ASAH1: variants seen among roughly 807,000 people sequenced by gnomAD.
ASAH1 encodes N-acylsphingosine amidohydrolase 1.
In ASAH1, 70 loss-of-function variants were observed where a neutral mutation model predicts 59.5. The observed-to-expected ratio is 1.18, with a 90% confidence interval of 0.97 to 1.43. ASAH1 has a LOEUF of 1.43. ASAH1 is among the 40% of genes most tolerant of loss of function. The pLI is 0.00. For missense variants in ASAH1, 660 were observed against 482.5 expected, an observed-to-expected ratio of 1.37 and a Z score of -3.45; for synonymous variants, 213 against 166.5, an observed-to-expected ratio of 1.28 and a Z score of -2.15.
In ASAH1 at chr8:18,064,437, C is replaced by CTGGG; in HGVS notation, c.457+19_457+20insCCCA. 1 of 1,470,600 alleles carries CTGGG rather than the reference C, an allele frequency of 6.8e-7. No individual in the cohort carries two copies. Among genetic ancestry groups the CTGGG allele is most frequent in the Non-Finnish European group, 9.5e-7 (1 of 1,052,316 alleles). The allele number at this position is 1,470,600 out of a possible 1,614,324, so 91.1% of individuals were successfully genotyped here. On this transcript the variant is annotated intron_variant, in intron 6 of 13. Coordinates refer to ENST00000637790, the MANE Select transcript of ASAH1 (RefSeq NM_177924.5). Reference sequence around the variant, plus strand: ...TATGTAGTGCTTCATGCTGCCCACCCTCCCTCAGCGCACAATTACCTTTTT... The same window carrying CTGGG: ...TATGTAGTGCTTCATGCTGCCCACCCTGGGTCCCTCAGCGCACAATTACCTTTTT...
intron 5 of ASAH1, 22 bp downstream of exon 5, chr8:18,067,197 TA>T: frequency 2.5e-6 from 4 of 1,577,546 alleles, no homozygotes; most frequent in Non-Finnish European, 2.6e-6. Flanking sequence ...CTTTTTTTTT[TA>T]AAGCTTCTAA....
chr8:18,078,289 A>G (rs1800496533), intron 1 of ASAH1, among the ~76,000 whole-genome samples: 1 of 152,214 alleles, frequency 6.6e-6, no homozygotes, highest in Admixed American at 6.5e-5. Context: ...TCTGTCTAGT[A>G]TTAGGAGAGA....
intron 1 of ASAH1, among the ~76,000 whole-genome samples, chr8:18,082,822 G>C (rs1326014825): frequency 6.6e-6 from 1 of 152,084 alleles, no homozygotes; most frequent in African/African-American, 2.4e-5. Context: ...GGCCCTGACA[G>C]TATCAAAGTA....
At chr8:18,069,492 C>A in intron 4 of ASAH1, 1 of 289,266 alleles carries the variant, frequency 3.5e-6, no homozygotes, top group Non-Finnish European at 6.6e-6. Flanking sequence ...AAAACCAAGT[C>A]TTCAATAGTG....
At chr8:18,064,190 T>C in intron 6 of ASAH1, 5 of 573,614 alleles carry the variant, frequency 8.7e-6, no homozygotes, top group Non-Finnish European at 1.5e-5. Context: ...AAGTAAACTA[T>C]GAGGAAGAGA....
rs1588982587 is a variant in ASAH1 at position 18,064,607 on chromosome 8, T to G, written c.383-76A>C. ...GAAAAATTTGTTTTAAGAAAAAGTT[T>G]CAGTGTTTTCATTGTGTGAGTGTGT... On this transcript the variant is annotated intron_variant, in intron 5 of 13. Transcript: ENST00000637790. 1.3e-5 allele frequency: 11 copies of G among 865,680 alleles called. No homozygotes were observed. The East Asian group carries it at 1.8e-4, about 15-fold the overall frequency. The allele number at this position is 865,680 out of a possible 1,614,324, so 53.6% of individuals were successfully genotyped here.
chr8:18,074,090 C>T (rs1277987183), intron 2 of ASAH1, among the ~76,000 whole-genome samples: 1 of 152,184 alleles, frequency 6.6e-6, no homozygotes, highest in Non-Finnish European at 1.5e-5. Context: ...TTTATAGACA[C>T]ATGTAAAGTG....
At chr8:18,064,141 C>A in intron 6 of ASAH1, 3 of 506,592 alleles carry the variant, frequency 5.9e-6, no homozygotes, top group Non-Finnish European at 1.0e-5. Context: ...AAGGAAGCAC[C>A]TCCTGCGAGC....
chr8:18,077,981 T>A (rs1053560538), intron 1 of ASAH1, among the ~76,000 whole-genome samples: 2 of 152,194 alleles, frequency 1.3e-5, no homozygotes, highest in African/African-American at 4.8e-5. Context: ...ATTAGTGACT[T>A]GTAGAAAGTT....
At chr8:18,065,746 T>C (rs1482737497) in intron 5 of ASAH1, 1 of 152,130 alleles carries the variant, frequency 6.6e-6, no homozygotes, top group African/African-American at 2.4e-5. Context: ...TTTGAAGACT[T>C]ACTATAAAGC....
At chr8:18,065,166 G>A (rs998674947) in intron 5 of ASAH1, 1 of 151,066 alleles carries the variant, frequency 6.6e-6, no homozygotes, top group Non-Finnish European at 1.5e-5. Flanking sequence ...TTCTAATTTG[G>A]TGAAATTCTA....
intron 5 of ASAH1, 114 bp downstream of exon 5, chr8:18,067,106 T>TGTGCTGTATATCTAAGACATACAGCACCC: frequency 4.3e-6 from 2 of 465,462 alleles, no homozygotes; most frequent in Non-Finnish European, 6.0e-6. Context: ...CCTGTGCACC[T>TGTGCTGTATATCTAAGACATACAGCACCC]GTGCTGTATA....
intron 1 of ASAH1, among the ~76,000 whole-genome samples, chr8:18,078,495 C>T (rs1178172988): frequency 2.0e-5 from 3 of 152,172 alleles, no homozygotes; most frequent in South Asian, 4.1e-4. Flanking sequence ...ATTTCAGGGG[C>T]TCACATGGCA....
chr8:18,078,469 G>A (rs1292806066), intron 1 of ASAH1, among the ~76,000 whole-genome samples: 1 of 152,134 alleles, frequency 6.6e-6, no homozygotes, highest in Non-Finnish European at 1.5e-5. Flanking sequence ...AAAGTTGGCA[G>A]CTATGAGACT....
chr8:18,075,231 G>A (rs1291752557), intron 2 of ASAH1, among the ~76,000 whole-genome samples: 1 of 152,118 alleles, frequency 6.6e-6, no homozygotes, highest in African/African-American at 2.4e-5. Context: ...CTGACCTTAT[G>A]ATTTACCCGC....
At chr8:18,077,313 T>C (rs936114227) in intron 1 of ASAH1, among the ~76,000 whole-genome samples, 1 of 152,264 alleles carries the variant, frequency 6.6e-6, no homozygotes, top group East Asian at 1.9e-4. Flanking sequence ...ACACCTCGCA[T>C]GTTCACAAGT....
intron 1 of ASAH1, among the ~76,000 whole-genome samples, chr8:18,079,295 A>AACC (rs1800550094): frequency 6.7e-6 from 1 of 150,360 alleles, no homozygotes; most frequent in Non-Finnish European, 1.5e-5. Flanking sequence ...AAAACAAAAA[A>AACC]CTCTCTGGAA....
At chr8:18,074,392 AC>A (rs61266956) in intron 2 of ASAH1, among the ~76,000 whole-genome samples, 16,363 of 152,206 alleles carry the variant, frequency 0.11, 959 homozygotes, top group African/African-American at 0.14. Flanking sequence ...AGTCAAAAGA[AC>A]TTAGTTTATT....
At chr8:18,084,953 T>C (rs111351974), upstream of ASAH1, 3 of 1,161,004 alleles carry the variant, frequency 2.6e-6, no homozygotes, top group Non-Finnish European at 3.7e-6. Flanking sequence ...GGTGACCGGG[T>C]TGGATTTCAA....
Sources: allele counts gnomAD v4.1 joint callset (sites outside exome capture counted in the v4.1 genomes callset), GRCh38; gene constraint gnomAD v4.1.1; transcripts MANE v1.5; gene names NCBI Gene and HGNC (gene_info 2026-07-23, HGNC 2026-07-21).